The following BOC variants were observed in gnomAD, a reference collection of about 807,000 sequenced individuals.
BOC encodes the protein brother of CDO.
Under a neutral mutation model 112.0 loss-of-function variants are expected in BOC, and 76 were observed. That is an observed-to-expected ratio of 0.68 (90% CI 0.56 to 0.82). BOC has a LOEUF of 0.82. Among genes scored for constraint, BOC ranks in the 40% least tolerant of loss-of-function variants. The pLI is 0.00. For missense variants in BOC, 1,309 were observed against 1,511.7 expected, an observed-to-expected ratio of 0.87 and a Z score of 2.22; for synonymous variants, 580 against 599.8, an observed-to-expected ratio of 0.97 and a Z score of 0.48.
At chr3:113,243,202 T>C (rs1221005469) in intron 2 of BOC, among the ~76,000 whole-genome samples, 1 of 152,156 alleles carries the variant, frequency 6.6e-6, no homozygotes, top group Non-Finnish European at 1.5e-5. Flanking sequence ...ACAAAGAAAC[T>C]GGGTTGAAGA....
intron 2 of BOC, among the ~76,000 whole-genome samples, chr3:113,222,664 T>C (rs1940933772): frequency 6.6e-6 from 1 of 152,230 alleles, no homozygotes; most frequent in Non-Finnish European, 1.5e-5. Flanking sequence ...GAACGTCTGC[T>C]TTGTGCACAG....
chr3:113,260,716 ACAGAAAGAACAGAAC>A (rs140908539), intron 4 of BOC, among the ~76,000 whole-genome samples: 3,206 of 98,474 alleles, frequency 0.033, 60 homozygotes, highest in Non-Finnish European at 0.054. Context: ...ACAGAACAGA[ACAGAAAGAACAGAAC>A]AGAACAGAAC....
chr3:113,275,928 T>C (rs775226), intron 9 of BOC, among the ~76,000 whole-genome samples: 89,450 of 152,072 alleles, frequency 0.59, 28,104 homozygotes, highest in African/African-American at 0.81. Context: ...CCCCCTATGC[T>C]CCCTCTGCTG....
rs2107753217 is a variant in BOC at position 113,284,377 on chromosome 3, C to T, written c.2699C>T (p.Pro900Leu). ...GGTTTTCCTCGAAGTGCCCTTCCAC[C>T]CTCCTGCCCGTATACTATGGTGCCA... ...DLGFPRSALP[P>L]SCPYTMVPLG... Residue 900 changes from proline to leucine, a missense_variant, in exon 17 of 20, where the codon CCC becomes CTC. By Grantham distance (98) the Pro-to-Leu change is moderately conservative. Coordinates refer to ENST00000682979, the MANE Select transcript of BOC (RefSeq NM_001378074.1). 4 of 1,614,228 alleles carry T rather than the reference C, an allele frequency of 2.5e-6. No homozygotes were observed. Among genetic ancestry groups the T allele is most frequent in the South Asian group, 1.1e-5 (1 of 91,082 alleles).
intron 2 of BOC, among the ~76,000 whole-genome samples, chr3:113,224,658 C>G (rs1941352167): frequency 6.6e-6 from 1 of 152,132 alleles, no homozygotes; most frequent in Non-Finnish European, 1.5e-5. Flanking sequence ...CCCTGAGGAG[C>G]AGGGACTTAA....
Position 113,249,822 on chromosome 3 carries a change from C to A in BOC, c.20C>A (p.Thr7Lys). The change falls in exon 3 of 20, where the codon ACG becomes AAG. Residue 7 changes from threonine to lysine, a missense_variant. Transcript: ENST00000682979. MLRGTM[T>K]AWRGMRPEVT... ...TACACCATGCTGCGTGGGACGATGA[C>A]GGCGTGGAGAGGAATGAGGCCTGAG... 1 of 1,613,028 alleles carries A rather than the reference C, an allele frequency of 6.2e-7. No homozygotes were observed. The highest frequency in any genetic ancestry group is 1.1e-5 in the South Asian group (1 of 90,928).
Position 113,227,683 on chromosome 3 carries a change from A to T in BOC, c.-82+11409A>T, listed in dbSNP as rs561667034. 9.2e-5 allele frequency among the ~76,000 whole-genome samples: 14 copies of T among 152,310 alleles called. No individual in the cohort carries two copies. In the South Asian group the frequency reaches 2.1e-3, roughly 23 times the overall value. On this transcript the variant is annotated intron_variant, in intron 2 of 19. Transcript: ENST00000682979. The stretch of plus-strand genomic sequence containing the variant: ...GGGGGTTTCTGCACCTTGGTGCAGG[A>T]TTGGGAAGGTTTGAGAGGAACTTAT...
chr3:113,284,290 G>A (rs373258465), intron 16 of BOC, 45 bp from the exon 17 acceptor site: 67 of 1,546,670 alleles, frequency 4.3e-5, no homozygotes, highest in African/African-American at 3.8e-4. Context: ...AACCCATCCC[G>A]GGCTACCTTG....
At chr3:113,221,007 C>T (rs1417686055) in intron 2 of BOC, among the ~76,000 whole-genome samples, 2 of 152,050 alleles carry the variant, frequency 1.3e-5, no homozygotes, top group African/African-American at 4.8e-5. Flanking sequence ...GGAGCCACTT[C>T]CAAGTTTGAG....
intron 8 of BOC, among the ~76,000 whole-genome samples, chr3:113,273,934 A>G (rs541970264): frequency 6.6e-6 from 1 of 152,328 alleles, no homozygotes; most frequent in South Asian, 2.1e-4. Context: ...CTCAGAGGAC[A>G]TTCCCAGTTG....
intron 2 of BOC, among the ~76,000 whole-genome samples, chr3:113,223,808 A>G (rs1292067877): frequency 2.0e-5 from 3 of 152,228 alleles, no homozygotes; most frequent in African/African-American, 7.2e-5. Flanking sequence ...GCTGGGGAGC[A>G]GAGACTGAAA....
chr3:113,272,845 T>C, intron 7 of BOC, 142 bp downstream of exon 7: 2 of 1,137,310 alleles, frequency 1.8e-6, no homozygotes, highest in Non-Finnish European at 2.5e-6. Flanking sequence ...TGCTGAAGAG[T>C]CAGGGCTCTT....
At chr3:113,221,479 C>G (rs1940640099) in intron 2 of BOC, among the ~76,000 whole-genome samples, 1 of 152,214 alleles carries the variant, frequency 6.6e-6, no homozygotes, top group Non-Finnish European at 1.5e-5. Context: ...TTCCCCTCTG[C>G]TTCTTCCCCA....
chr3:113,278,775 G>A lies in BOC; in HGVS notation c.1808G>A (p.Arg603His), dbSNP rs774920310. Residue 603 changes from arginine to histidine, a missense_variant, in exon 11 of 20, where the codon CGC (arginine) becomes CAC (histidine). By Grantham distance (29) the Arg-to-His change is conservative (BLOSUM62 0). Coordinates refer to ENST00000682979, the MANE Select transcript of BOC (RefSeq NM_001378074.1). This position sits in a 1 kb window ranked among gnomAD's most constrained non-coding sequence, Gnocchi z 4.2. ...AGCAGCAGCCAGCCAGACCACGGCC[G>A]CCTCTCCCGTAAGCCGCTAGCAGCA... ...PQSSSQPDHGRLSPPEAPDRP... is the reference protein window; with the variant it reads ...PQSSSQPDHGHLSPPEAPDRP... The A allele has an allele frequency of 8.4e-6, 13 of 1,555,022 alleles. No homozygotes were observed. The highest frequency in any genetic ancestry group is 1.2e-5 in the South Asian group (1 of 84,352).
intron 4 of BOC, among the ~76,000 whole-genome samples, chr3:113,257,560 T>C (rs1396838112): frequency 6.6e-6 from 1 of 152,178 alleles, no homozygotes; most frequent in Non-Finnish European, 1.5e-5. Context: ...TCTTGATTTT[T>C]TCTCAAGATT....
intron 4 of BOC, among the ~76,000 whole-genome samples, chr3:113,255,963 A>G (rs1946185422): frequency 6.6e-6 from 1 of 152,270 alleles, no homozygotes; most frequent in African/African-American, 2.4e-5. Context: ...TAAGTGTTCC[A>G]TGACTTTGAG....
At chr3:113,283,339 T>G in intron 15 of BOC, 72 bp from the exon 16 acceptor site, 1 of 1,464,502 alleles carries the variant, frequency 6.8e-7, no homozygotes, top group Non-Finnish European at 9.2e-7. Flanking sequence ...ATGGGGGTAT[T>G]TTTTTTTCTA....
intron 2 of BOC, among the ~76,000 whole-genome samples, chr3:113,238,829 A>G (rs1250669745): frequency 6.6e-6 from 1 of 152,248 alleles, no homozygotes; most frequent in Non-Finnish European, 1.5e-5. Context: ...AATTCTGACA[A>G]TGGCCTATAG....
At chr3:113,249,648 G>A (rs182319794) in intron 2 of BOC, 74 bp from the exon 3 acceptor site, 4 of 583,466 alleles carry the variant, frequency 6.9e-6, no homozygotes, top group Middle Eastern at 4.3e-4. Context: ...ACAAAGCCAA[G>A]CCCTGTGGCC....
Sources: allele counts gnomAD v4.1 joint callset (sites outside exome capture counted in the v4.1 genomes callset), GRCh38; gene constraint gnomAD v4.1.1; non-coding constraint Gnocchi (gnomAD v3.1); transcripts MANE v1.5; gene names NCBI Gene and HGNC (gene_info 2026-07-23, HGNC 2026-07-21).